Variants in MEAK7 observed in about 807,000 individuals in gnomAD.
The protein encoded by MEAK7 is MTOR-associated protein MEAK7.
A neutral mutation model predicts 40.5 loss-of-function variants in MEAK7; 68 were observed. That is an observed-to-expected ratio of 1.68 (90% CI 1.38 to 2.06). The LOEUF (loss-of-function observed/expected upper bound fraction) is 2.06, where lower values mean the gene tolerates loss of function less well. Ranked by LOEUF, MEAK7 falls within the 30% of genes most tolerant of loss-of-function variation. MEAK7 has a pLI of 0.00. For synonymous variants in MEAK7, 338 were observed against 231.9 expected (o/e 1.46, Z -4.16); for missense variants, 918 against 580.5 (o/e 1.58, Z -5.98).
intron 4 of MEAK7, chr16:84,487,304 T>G (rs1913176507): frequency 2.1e-6 from 1 of 480,716 alleles, no homozygotes; most frequent in Non-Finnish European, 3.7e-6. Context: ...AAAATTGTAT[T>G]TAGGACATAT....
At chr16:84,494,442 TCCC>T (rs759145889) in intron 3 of MEAK7, among the ~76,000 whole-genome samples, 3 of 152,194 alleles carry the variant, frequency 2.0e-5, no homozygotes, top group Admixed American at 6.5e-5. Context: ...TTCCTTTTTT[TCCC>T]CCCATTTTTC....
intron 5 of MEAK7, 136 bp from the exon 6 acceptor site, chr16:84,482,846 T>C: frequency 7.2e-7 from 1 of 1,387,408 alleles, no homozygotes; most frequent in Non-Finnish European, 9.8e-7. Context: ...TGTCGGCAGA[T>C]CAGGGTTTGG....
chr16:84,479,402 G>A lies in MEAK7; in HGVS notation c.*511C>T, dbSNP rs1005805405. On this transcript the variant is annotated 3_prime_UTR_variant, in exon 8 of 8. Coordinates refer to ENST00000343629, the MANE Select transcript of MEAK7 (RefSeq NM_020947.4). ...AGATCCCAGCAATGCTAATGCCAGC[G>A]GAATTCCCTAATGCCAGCGGAATTC... 4.7e-5 allele frequency: 7 copies of A among 147,612 alleles called. No individual in the cohort carries two copies. The highest frequency in any genetic ancestry group is 2.2e-4 in the South Asian group (1 of 4,584). The allele number at this position is 147,612 out of a possible 1,614,324, so 9.1% of individuals were successfully genotyped here. A position where few individuals can be genotyped will look rare whatever the true frequency, so the allele number is the denominator to read the frequency against.
At chr16:84,503,285 G>A (rs1417436736) in intron 1 of MEAK7, among the ~76,000 whole-genome samples, 2 of 152,168 alleles carry the variant, frequency 1.3e-5, no homozygotes, top group Non-Finnish European at 2.9e-5. Context: ...GCCACATATG[G>A]CCCACGGGTT....
chr16:84,484,233 GA>G (rs1912837801), intron 5 of MEAK7, among the ~76,000 whole-genome samples: 1 of 152,188 alleles, frequency 6.6e-6, no homozygotes, highest in Non-Finnish European at 1.5e-5. Context: ...ATCATTCCCA[GA>G]ATACAGGGCA....
Position 84,486,788 on chromosome 16 carries a change from G to C in MEAK7, c.801C>G (p.Cys267Trp), listed in dbSNP as rs540533222. The C allele has an allele frequency of 4.2e-5, 68 of 1,614,014 alleles. 2 individuals carry two copies. In the South Asian group the frequency reaches 7.0e-4, roughly 17 times the overall value. ...QLPREQRHRW[C>W]LLFSSELHGH... is the part of the protein sequence containing the mutation. ...CATGGAGCTCAGACGAAAAGAGCAG[G>C]CACCAGCGGTGCCGCTGCTCCCGAG... The change falls in exon 5 of 8, where the codon TGC (cysteine) becomes TGG (tryptophan). Residue 267 changes from cysteine (C) to tryptophan (W), a missense_variant. Physicochemically the swap from Cys to Trp is radical, Grantham distance 215. Coordinates refer to ENST00000343629, the MANE Select transcript of MEAK7 (RefSeq NM_020947.4).
chr16:84,491,948 T>C (rs1913654762), intron 3 of MEAK7, among the ~76,000 whole-genome samples: 1 of 152,236 alleles, frequency 6.6e-6, no homozygotes, highest in Non-Finnish European at 1.5e-5. Context: ...TGCTGTTAAG[T>C]TACAGGGCTG....
chr16:84,504,178 TAC>T, intron 1 of MEAK7: 2 of 985,242 alleles, frequency 2.0e-6, no homozygotes, highest in African/African-American at 3.5e-5. Flanking sequence ...GTGGTCAGAA[TAC>T]AAGAAGGAAA....
intron 2 of MEAK7, among the ~76,000 whole-genome samples, chr16:84,496,208 C>A (rs9935522): frequency 1.3e-5 from 2 of 152,144 alleles, no homozygotes; most frequent in Non-Finnish European, 2.9e-5. Flanking sequence ...CATATCCCCA[C>A]GTGTATAGAA....
At chr16:84,494,442 TC>T (rs759145889) in intron 3 of MEAK7, among the ~76,000 whole-genome samples, 3 of 152,076 alleles carry the variant, frequency 2.0e-5, no homozygotes, top group Non-Finnish European at 4.4e-5. Context: ...TTCCTTTTTT[TC>T]CCCCCATTTT....
At chr16:84,485,182 C>CT in intron 5 of MEAK7, among the ~76,000 whole-genome samples, 1 of 152,214 alleles carries the variant, frequency 6.6e-6, no homozygotes, top group East Asian at 1.9e-4. Context: ...CGTGGCAAGG[C>CT]TGAGGCTGCT....
rs142649443 is a variant in MEAK7, at chr16:84,495,706, C to A, written c.361G>T (p.Val121Leu). 6.8e-6 allele frequency: 11 copies of A among 1,614,114 alleles called. No homozygotes were observed. The highest frequency in any genetic ancestry group is 9.3e-6 in the Non-Finnish European group (11 of 1,180,016). Reference sequence around the variant, plus strand: ...ACCTTTTGGACTTCTCTGGCCTTCACGGGACCTTCTGTGGCAGAAATCATT... The same window carrying A: ...ACCTTTTGGACTTCTCTGGCCTTCAAGGGACCTTCTGTGGCAGAAATCATT... ...MKMISATEGP[V>L]KAREVQKFTE... Residue 121 changes from valine (V) to leucine (L), a missense_variant, in exon 3 of 8, where the codon GTG becomes TTG. Physicochemically the swap from Val to Leu is conservative, Grantham distance 32. Transcript: ENST00000343629.
chr16:84,486,907 T>C lies in MEAK7; in HGVS notation c.682A>G (p.Thr228Ala), dbSNP rs200631330. 2 of 1,613,994 alleles carry C rather than the reference T, an allele frequency of 1.2e-6. No homozygotes were observed. Among genetic ancestry groups the C allele is most frequent in the Non-Finnish European group, 1.7e-6 (2 of 1,180,024 alleles). ...FLILCSSLDL[T>A]TLVPERQVDQ... Reference sequence around the variant, plus strand: ...ACTTGACGCTCAGGGACCAGGGTAGTCAGATCAAGAGACGAGCACAGGATG... The same window carrying C: ...ACTTGACGCTCAGGGACCAGGGTAGCCAGATCAAGAGACGAGCACAGGATG... Residue 228 changes from threonine (T) to alanine (A), a missense_variant, in exon 5 of 8, where the codon ACT (threonine) becomes GCT (alanine). Coordinates refer to ENST00000343629, the MANE Select transcript of MEAK7 (RefSeq NM_020947.4).
chr16:84,491,789 A>C (rs1913636582), intron 3 of MEAK7, among the ~76,000 whole-genome samples: 1 of 148,898 alleles, frequency 6.7e-6, no homozygotes, highest in African/African-American at 2.5e-5. Context: ...AGTGACTGAG[A>C]TCGCGCCACT....
At position 84,482,602 on chromosome 16, in the gene MEAK7, G is replaced by A. The variant is rs758475028; in HGVS notation, c.1067C>T (p.Pro356Leu). The part of the protein sequence containing the change: ...MYLNHGQQTI[P>L]NGLGMGGQHN... ...TCTGCCCGGGCTCACCAGTCCGTTCGGGATCGTCTGCTGTCCATGGTTCAA... is the reference window on the plus strand; with the variant it reads ...TCTGCCCGGGCTCACCAGTCCGTTCAGGATCGTCTGCTGTCCATGGTTCAA... Residue 356 changes from proline to leucine, a missense_variant, in exon 6 of 8, where the codon CCG becomes CTG. Coordinates refer to ENST00000343629, the MANE Select transcript of MEAK7 (RefSeq NM_020947.4). 2.4e-5 allele frequency: 39 copies of A among 1,614,090 alleles called. No individual in the cohort carries two copies. The Admixed American group carries it at 2.5e-4, about 10-fold the overall frequency.
chr16:84,486,400 C>A (rs748471458), intron 5 of MEAK7: 90 of 1,318,410 alleles, frequency 6.8e-5, no homozygotes, highest in Non-Finnish European at 7.9e-5. Context: ...CGTGTAATAA[C>A]TGGGCCCGTG....
At position 84,482,714 on chromosome 16, in the gene MEAK7, A is replaced by T; in HGVS notation, c.959-4T>A. ...AACAGGAAGCATCTGTTGTCCCCTG[A>T]AAGTAGCCAGAGAACAAAACAAACA... On this transcript the variant is annotated splice_region_variant and splice_polypyrimidine_tract_variant and intron_variant, in intron 5 of 7. Transcript: ENST00000343629. 1.2e-6 allele frequency: 2 copies of T among 1,614,050 alleles called. No homozygotes were observed. Among genetic ancestry groups the T allele is most frequent in the Non-Finnish European group, 1.7e-6 (2 of 1,179,950 alleles).
chr16:84,486,992 C>G lies in MEAK7; in HGVS notation c.597G>C (p.Trp199Cys). Residue 199 changes from tryptophan (W) to cysteine (C), a missense_variant, in exon 5 of 8, where the codon TGG becomes TGC. Physicochemically the swap from Trp to Cys is radical, Grantham distance 215. Coordinates refer to ENST00000343629, the MANE Select transcript of MEAK7 (RefSeq NM_020947.4). ...YDCDRAVIED[W>C]VFRVPHVAIF... ...TGGCCACATGGGGGACCCTGAACAC[C>G]CAGTCCTCGATCACAGCTCGGTCAC... is the stretch of plus-strand genomic sequence containing the variant. The G allele has an allele frequency of 6.2e-7, 1 of 1,614,146 alleles. No individual in the cohort carries two copies. The highest frequency in any genetic ancestry group is 8.5e-7 in the Non-Finnish European group (1 of 1,180,030).
At chr16:84,500,966 G>A (rs1597972999) in intron 1 of MEAK7, among the ~76,000 whole-genome samples, 2 of 152,176 alleles carry the variant, frequency 1.3e-5, no homozygotes, top group South Asian at 2.1e-4. Flanking sequence ...ATGGTGCTGT[G>A]CACCTGTAAT....
Sources: gnomAD v4.1 joint callset for allele counts (sites outside exome capture counted in the v4.1 genomes callset) on GRCh38, gnomAD v4.1.1 for gene constraint, MANE v1.5 for transcripts, NCBI Gene and HGNC (gene_info 2026-07-23, HGNC 2026-07-21) for gene names.